HS2ST1: variants seen among roughly 807,000 people sequenced by gnomAD.
HS2ST1 encodes the protein heparan sulfate 2-O-sulfotransferase 1, also known as 2-O-sulfotransferase.
Under a neutral mutation model 42.9 loss-of-function variants are expected in HS2ST1, and 18 were observed. That is an observed-to-expected ratio of 0.42 (90% CI 0.29 to 0.62). The LOEUF is 0.62. Among genes scored for constraint, HS2ST1 ranks in the 20% least tolerant of loss-of-function variants. The pLI is 0.21. For synonymous variants in HS2ST1, 146 were observed against 152.9 expected, an observed-to-expected ratio of 0.95 and a Z score of 0.33; for missense variants, 334 against 433.8, an observed-to-expected ratio of 0.77 and a Z score of 2.04.
chr1:86,993,076 C>A, intron 1 of HS2ST1: 1 of 1,593,810 alleles, frequency 6.3e-7, no homozygotes. Context: ...CAAGTCTTTC[C>A]TGTACATGCT....
intron 3 of HS2ST1, among the ~76,000 whole-genome samples, chr1:87,084,947 T>A (rs1334922805): frequency 6.6e-6 from 1 of 152,076 alleles, no homozygotes; most frequent in Non-Finnish European, 1.5e-5. Context: ...GCCCGGCCTC[T>A]GTCATATTAA....
chr1:86,959,661 A>G (rs1038173545), intron 1 of HS2ST1, among the ~76,000 whole-genome samples: 1 of 152,216 alleles, frequency 6.6e-6, no homozygotes, highest in African/African-American at 2.4e-5. Flanking sequence ...TTGTCTCCAA[A>G]AAAAATAAAA....
chr1:86,994,595 T>G (rs769720419), intron 1 of HS2ST1, among the ~76,000 whole-genome samples: 7 of 152,150 alleles, frequency 4.6e-5, no homozygotes, highest in Non-Finnish European at 8.8e-5. Context: ...TTAAAACAAA[T>G]TAATAGTGAT....
chr1:86,961,784 G>T (rs150763534), intron 1 of HS2ST1, among the ~76,000 whole-genome samples: 23 of 152,028 alleles, frequency 1.5e-4, no homozygotes, highest in African/African-American at 5.5e-4. Flanking sequence ...CCCTAAGCAG[G>T]TCCCCTCATA....
chr1:86,992,428 A>G (rs771760712), intron 1 of HS2ST1, among the ~76,000 whole-genome samples: 21 of 151,442 alleles, frequency 1.4e-4, no homozygotes, highest in Non-Finnish European at 1.8e-4. Context: ...GTGCAATGGC[A>G]TGATCTCGGC....
intron 2 of HS2ST1, among the ~76,000 whole-genome samples, chr1:87,078,390 CTCT>C (rs976428500): frequency 6.6e-6 from 1 of 152,116 alleles, no homozygotes; most frequent in African/African-American, 2.4e-5. Flanking sequence ...TCCTTAAGGT[CTCT>C]TCTTATTACT....
intron 4 of HS2ST1, among the ~76,000 whole-genome samples, chr1:87,093,271 C>T (rs1651988076): frequency 6.6e-6 from 1 of 152,094 alleles, no homozygotes; most frequent in Admixed American, 6.6e-5. Flanking sequence ...GATCTCAGAC[C>T]TAGCTCTCCT....
At chr1:86,994,102 C>T (rs1182991734) in intron 1 of HS2ST1, among the ~76,000 whole-genome samples, 1 of 152,060 alleles carries the variant, frequency 6.6e-6, no homozygotes, top group Non-Finnish European at 1.5e-5. Flanking sequence ...TTAAAAAAAA[C>T]ACCTTATTCC....
At chr1:87,026,555 A>G (rs929840612) in intron 1 of HS2ST1, among the ~76,000 whole-genome samples, 1 of 152,202 alleles carries the variant, frequency 6.6e-6, no homozygotes, top group African/African-American at 2.4e-5. Flanking sequence ...TAAATAGGAA[A>G]TATCTAATTA....
intron 1 of HS2ST1, among the ~76,000 whole-genome samples, chr1:86,996,452 A>G (rs1232969716): frequency 2.0e-5 from 3 of 151,204 alleles, no homozygotes; most frequent in African/African-American, 7.3e-5. Flanking sequence ...CAAAAAAAAA[A>G]AAAAAAAAAA....
At chr1:87,080,191 A>G (rs1426129066) in intron 2 of HS2ST1, among the ~76,000 whole-genome samples, 1 of 152,224 alleles carries the variant, frequency 6.6e-6, no homozygotes, top group Admixed American at 6.5e-5. Context: ...TTCAACCAGG[A>G]GTACTCAGCA....
chr1:86,968,863 T>C lies in HS2ST1; in HGVS notation c.124+53703T>C, dbSNP rs187555123. Among the ~76,000 whole-genome samples the C allele has an allele frequency of 3.2e-3, 481 of 152,372 alleles. 1 individual carries two copies. Among genetic ancestry groups the C allele is most frequent in the Non-Finnish European group, 5.2e-3 (354 of 68,032 alleles). On this transcript the variant is annotated intron_variant, in intron 1 of 6. Coordinates refer to ENST00000370550, the MANE Select transcript of HS2ST1 (RefSeq NM_012262.4). ...GGAATTTAACTCTGTTAAAAATGAA[T>C]GTTGTAAACTAATTTTATTCTCTCA... is the stretch of plus-strand genomic sequence containing the variant.
chr1:87,059,083 A>G (rs959349350), intron 1 of HS2ST1, among the ~76,000 whole-genome samples: 1 of 152,182 alleles, frequency 6.6e-6, no homozygotes, highest in African/African-American at 2.4e-5. Context: ...TGAATAAAAT[A>G]TGAAGCATTG....
At chr1:87,001,982 G>C (rs972863252) in intron 1 of HS2ST1, among the ~76,000 whole-genome samples, 1 of 143,196 alleles carries the variant, frequency 7.0e-6, no homozygotes, top group African/African-American at 2.7e-5. Context: ...GCGCGATCTC[G>C]GCTCACTGCA....
chr1:87,015,348 GTTTTT>G (rs35791774), intron 1 of HS2ST1, among the ~76,000 whole-genome samples: 1 of 131,772 alleles, frequency 7.6e-6, no homozygotes. Context: ...GCCTGGCCCT[GTTTTT>G]TTTTTTTTTT....
chr1:87,018,203 C>T (rs1036597031), intron 1 of HS2ST1, among the ~76,000 whole-genome samples: 8 of 151,288 alleles, frequency 5.3e-5, no homozygotes, highest in Non-Finnish European at 1.0e-4. Context: ...ATTTACCCTT[C>T]GTTTACTGCC....
At chr1:87,006,576 G>A (rs1018608215) in intron 1 of HS2ST1, among the ~76,000 whole-genome samples, 4 of 152,052 alleles carry the variant, frequency 2.6e-5, no homozygotes, top group African/African-American at 9.7e-5. Context: ...ATAGATTTTA[G>A]TTAATTAGAA....
At chr1:86,915,747 C>T (rs1660138683) in intron 1 of HS2ST1, among the ~76,000 whole-genome samples, 1 of 152,158 alleles carries the variant, frequency 6.6e-6, no homozygotes, top group Non-Finnish European at 1.5e-5. Flanking sequence ...GGGAGGCTGG[C>T]CGGGTAGTGC....
intron 1 of HS2ST1, among the ~76,000 whole-genome samples, chr1:86,943,445 A>G (rs1647226280): frequency 1.3e-5 from 2 of 152,196 alleles, no homozygotes; most frequent in South Asian, 4.1e-4. Context: ...GTCCGGGTGC[A>G]GTGCCCCACG....
Sources: allele counts gnomAD v4.1 joint callset (sites outside exome capture counted in the v4.1 genomes callset), GRCh38; gene constraint gnomAD v4.1.1; transcripts MANE v1.5; gene names NCBI Gene and HGNC (gene_info 2026-07-23, HGNC 2026-07-21).